MRPL12: variants seen among roughly 807,000 people sequenced by gnomAD.
The protein encoded by MRPL12 is mitochondrial ribosomal protein L12.
A neutral mutation model predicts 21.1 loss-of-function variants in MRPL12; 13 were observed. The ratio of observed to expected loss-of-function variants is 0.62; its 90% confidence interval spans 0.40 to 0.98. The LOEUF (loss-of-function observed/expected upper bound fraction) is 0.98. Among genes scored for constraint, MRPL12 ranks in the 50% least tolerant of loss-of-function variants. The pLI is 0.00. For missense variants in MRPL12, 251 were observed against 268.6 expected (o/e 0.93, Z 0.46); for synonymous variants, 126 against 115.3 (o/e 1.09, Z -0.60).
At chr17:81,704,536 G>C (rs910948354) in intron 2 of MRPL12, 97 bp from the exon 3 acceptor site, 175 of 1,576,208 alleles carry the variant, frequency 1.1e-4, no homozygotes, top group Non-Finnish European at 1.5e-4. Flanking sequence ...AAGTGTGTTT[G>C]TCCAGGTGCA....
At chr17:81,704,511 T>A in intron 2 of MRPL12, 81 bp downstream of exon 2, 1 of 1,581,356 alleles carries the variant, frequency 6.3e-7, no homozygotes, top group Non-Finnish European at 8.7e-7. Flanking sequence ...TTTTGGGAGT[T>A]TGGTAAATTG....
At position 81,703,524 on chromosome 17, in the gene MRPL12, C is replaced by T. The variant is rs771560919; in HGVS notation, c.23C>T (p.Pro8Leu). 4.0e-6 allele frequency: 6 copies of T among 1,483,496 alleles called. No individual in the cohort carries two copies. Among genetic ancestry groups the T allele is most frequent in the African/African-American group, 1.5e-5 (1 of 68,284 alleles). 91.9% of individuals were successfully genotyped at this position (1,483,496 alleles called of 1,614,324 possible). MLPAAARPLWGPCLGLRA... is the reference protein window; with the variant it reads MLPAAARLLWGPCLGLRA... ...CCGATGCTGCCGGCGGCCGCTCGCC[C>T]CCTGTGGGGGCCTTGCCTTGGGCTT... The change falls in exon 1 of 5, where the codon CCC becomes CTC. Residue 8 changes from proline to leucine, a missense_variant. Pro to Leu is a moderately conservative substitution (Grantham distance 98). Coordinates refer to ENST00000333676, the MANE Select transcript of MRPL12 (RefSeq NM_002949.4).
At chr17:81,703,652 G>A in intron 1 of MRPL12, 77 bp downstream of exon 1, 1 of 1,242,306 alleles carries the variant, frequency 8.0e-7, no homozygotes, top group Non-Finnish European at 1.0e-6. Flanking sequence ...CGATCCGGGC[G>A]AGGAGGGCGG....
At chr17:81,704,839 G>A (rs1002098649) in intron 3 of MRPL12, 123 bp downstream of exon 3, 12 of 834,142 alleles carry the variant, frequency 1.4e-5, no homozygotes, top group Admixed American at 1.0e-4. Flanking sequence ...ACACCTGTGC[G>A]GCATCCTGCA....
chr17:81,706,777 A>G, intron 3 of MRPL12, 129 bp from the exon 4 acceptor site: 4 of 1,116,130 alleles, frequency 3.6e-6, no homozygotes, highest in South Asian at 1.6e-5. Flanking sequence ...GTGACTTCCA[A>G]CTCCAGGCTT....
chr17:81,707,338 G>A lies in MRPL12; in HGVS notation c.*98G>A. The A allele has an allele frequency of 8.4e-7, 1 of 1,193,678 alleles. No homozygotes were observed. The highest frequency in any genetic ancestry group is 1.2e-6 in the Non-Finnish European group (1 of 851,802). The allele number at this position is 1,193,678 out of a possible 1,614,324, so 73.9% of individuals were successfully genotyped here. A position where few individuals can be genotyped will look rare whatever the true frequency, so the allele number is the denominator to read the frequency against. ...CTCCGCCCCCAGCACCAGGCGCCCA[G>A]TGGAGCCGTTTGGGAGAATTGCCTG... On this transcript the variant is annotated 3_prime_UTR_variant, in exon 5 of 5. Transcript: ENST00000333676.
intron 3 of MRPL12, 127 bp from the exon 4 acceptor site, chr17:81,706,779 T>A: frequency 8.7e-7 from 1 of 1,152,516 alleles, no homozygotes; most frequent in African/African-American, 1.6e-5. Flanking sequence ...GACTTCCAAC[T>A]CCAGGCTTCG....
rs548461555 is a variant in MRPL12, at chr17:81,707,421, G to A, written c.*181G>A. On this transcript the variant is annotated 3_prime_UTR_variant, in exon 5 of 5. Transcript: ENST00000333676. ...ACCTACTGTGGCGGGAGGGAGGGGC[G>A]GCTGCTGCCTGGTGACGGCACCCGG... 8.8e-5 allele frequency: 55 copies of A among 625,704 alleles called. No individual in the cohort carries two copies. Among genetic ancestry groups the A allele is most frequent in the African/African-American group, 8.6e-4 (46 of 53,682 alleles). 38.8% of individuals were successfully genotyped at this position (625,704 alleles called of 1,614,324 possible). A position where few individuals can be genotyped will look rare whatever the true frequency, so the allele number is the denominator to read the frequency against.
rs558519686 is a variant in MRPL12, at chr17:81,704,199, C to T, written c.75-45C>T. 1.2e-5 allele frequency: 19 copies of T among 1,555,858 alleles called. No homozygotes were observed. In the East Asian group the frequency reaches 3.6e-4, roughly 30 times the overall value. On this transcript the variant is annotated intron_variant, in intron 1 of 4. Transcript: ENST00000333676. ...CCCCTCTGGTTTCTGCAGCCCCTTCCATTCCAGGACTGACAAGTCTGTTTT... is the reference window on the plus strand; with the variant it reads ...CCCCTCTGGTTTCTGCAGCCCCTTCTATTCCAGGACTGACAAGTCTGTTTT...
chr17:81,704,462 C>T, intron 2 of MRPL12, 32 bp downstream of exon 2: 1 of 1,600,020 alleles, frequency 6.2e-7, no homozygotes, highest in Non-Finnish European at 8.5e-7. Flanking sequence ...GACCCAGGGG[C>T]TGGAAGTTTC....
chr17:81,707,222 C>T lies in MRPL12; in HGVS notation c.579C>T (p.Gly193=), dbSNP rs1320708851. The T allele has an allele frequency of 1.9e-6, 3 of 1,600,350 alleles. No homozygotes were observed. The highest frequency in any genetic ancestry group is 3.4e-5 in the Admixed American group (2 of 58,676). The part of the protein sequence containing the change: ...KIKAALEAVG[G]TVVLE The stretch of plus-strand genomic sequence containing the variant: ...AGGCGGCCCTGGAGGCGGTGGGCGG[C>T]ACCGTGGTTCTGGAGTAGCCTCCAG... The change falls in exon 5 of 5, where the codon GGC becomes GGT. Residue 193 remains glycine, a synonymous_variant. Coordinates refer to ENST00000333676, the MANE Select transcript of MRPL12 (RefSeq NM_002949.4).
chr17:81,707,092 C>T (rs1568224523), intron 4 of MRPL12, 32 bp from the exon 5 acceptor site: 1 of 1,613,734 alleles, frequency 6.2e-7, no homozygotes, highest in Non-Finnish European at 8.5e-7. Flanking sequence ...GTGGCCAGGG[C>T]CCCCAGTCCC....
intron 3 of MRPL12, among the ~76,000 whole-genome samples, chr17:81,705,809 G>A (rs1312887810): frequency 1.3e-5 from 2 of 152,210 alleles, no homozygotes; most frequent in South Asian, 2.1e-4. Flanking sequence ...GTTGTGTACT[G>A]TAGAGTGTCC....
At chr17:81,705,259 C>T (rs1469980019) in intron 3 of MRPL12, among the ~76,000 whole-genome samples, 1 of 151,130 alleles carries the variant, frequency 6.6e-6, no homozygotes, top group East Asian at 1.9e-4. Flanking sequence ...GGCGTGGTGG[C>T]AGGTGCCTGT....
chr17:81,706,065 C>G (rs2037310649), intron 3 of MRPL12, among the ~76,000 whole-genome samples: 1 of 152,218 alleles, frequency 6.6e-6, no homozygotes, highest in African/African-American at 2.4e-5. Flanking sequence ...TGCGCCACGT[C>G]AGAAGCGCAG....
Position 81,704,642 on chromosome 17 carries a change from A to G in MRPL12, c.271A>G (p.Lys91Glu). Residue 91 changes from lysine (K) to glutamate (E), a missense_variant, in exon 3 of 5, where the codon AAG (lysine) becomes GAG (glutamate). Transcript: ENST00000333676. ...DLNELLKKTL[K>E]IQDVGLVPMG... ...TTCTCTATCTCTGCAGAAAACGTTG[A>G]AGATCCAGGATGTCGGGCTTGTGCC... 2 of 1,613,876 alleles carry G rather than the reference A, an allele frequency of 1.2e-6. No individual in the cohort carries two copies. Among genetic ancestry groups the G allele is most frequent in the Non-Finnish European group, 1.7e-6 (2 of 1,179,980 alleles).
intron 1 of MRPL12, 37 bp from the exon 2 acceptor site, chr17:81,704,207 G>A (rs368105938): frequency 3.6e-5 from 57 of 1,575,980 alleles, no homozygotes; most frequent in Non-Finnish European, 4.4e-5. Context: ...TCCATTCCAG[G>A]ACTGACAAGT....
intron 3 of MRPL12, among the ~76,000 whole-genome samples, chr17:81,706,071 C>T (rs751693173): frequency 5.3e-5 from 8 of 152,222 alleles, no homozygotes; most frequent in Non-Finnish European, 7.3e-5. Flanking sequence ...ACGTCAGAAG[C>T]GCAGCGTGCC....
intron 1 of MRPL12, 72 bp downstream of exon 1, chr17:81,703,647 C>T: frequency 4.8e-6 from 6 of 1,254,440 alleles, no homozygotes; most frequent in Non-Finnish European, 6.1e-6. Context: ...GGGGTCGATC[C>T]GGGCGAGGAG....
Sources: allele counts gnomAD v4.1 joint callset (sites outside exome capture counted in the v4.1 genomes callset), GRCh38; gene constraint gnomAD v4.1.1; transcripts MANE v1.5; gene names NCBI Gene and HGNC (gene_info 2026-07-23, HGNC 2026-07-21).